ATXN7L1: variants seen among roughly 807,000 people sequenced by gnomAD.
ATXN7L1 encodes the protein ataxin-7-like protein 1.
A neutral mutation model predicts 70.8 loss-of-function variants in ATXN7L1; 15 were observed. The ratio of observed to expected loss-of-function variants is 0.21; its 90% CI spans 0.14 to 0.33. The LOEUF (loss-of-function observed/expected upper bound fraction) is 0.33, where lower values mean the gene tolerates loss of function less well. ATXN7L1 is among the 10% of genes least tolerant of loss of function. The pLI is 1.00. For missense variants in ATXN7L1, 975 were observed against 1,097.1 expected, an observed-to-expected ratio of 0.89 and a Z score of 1.57; for synonymous variants, 440 against 445.1, an observed-to-expected ratio of 0.99 and a Z score of 0.14.
chr7:105,824,702 T>TAAACA (rs1227263102), intron 2 of ATXN7L1, among the ~76,000 whole-genome samples: 29 of 151,250 alleles, frequency 1.9e-4, no homozygotes, highest in Admixed American at 1.8e-3. Context: ...AGGAAGAAAT[T>TAAACA]AAACAAAACA....
At chr7:105,726,852 TC>T (rs1328251027) in intron 3 of ATXN7L1, among the ~76,000 whole-genome samples, 1 of 152,216 alleles carries the variant, frequency 6.6e-6, no homozygotes, top group Non-Finnish European at 1.5e-5. Context: ...TGTGGCAGCA[TC>T]TACTTTAGCA....
At position 105,624,246 on chromosome 7, in the gene ATXN7L1, T is replaced by A. The variant is rs139507361; in HGVS notation, c.1224A>T (p.Ile408=). 1.8e-5 allele frequency: 26 copies of A among 1,452,390 alleles called. No homozygotes were observed. The highest frequency in any genetic ancestry group is 2.4e-5 in the Non-Finnish European group (26 of 1,091,256). 90.0% of individuals were successfully genotyped at this position (1,452,390 alleles called of 1,614,324 possible). A position where few individuals can be genotyped will look rare whatever the true frequency, so the allele number is the denominator to read the frequency against. ...VLPRPSSANS[I]SSSTSSNHSG... ...TATGATTTGAAGATGTGCTGCTGCTTATGCTATTTGCAGATGATGGTCTAA... is the reference window on the plus strand; with the variant it reads ...TATGATTTGAAGATGTGCTGCTGCTAATGCTATTTGCAGATGATGGTCTAA... The change falls in exon 8 of 12, where the codon ATA becomes ATT. Residue 408 remains isoleucine, a synonymous_variant. Transcript: ENST00000419735.
intron 3 of ATXN7L1, among the ~76,000 whole-genome samples, chr7:105,748,535 G>T (rs987440813): frequency 6.6e-6 from 1 of 152,166 alleles, no homozygotes. Flanking sequence ...CTATGCCCTC[G>T]TGAGATCTCT....
chr7:105,868,742 TA>T (rs572510176), intron 2 of ATXN7L1, among the ~76,000 whole-genome samples: 2 of 151,994 alleles, frequency 1.3e-5, no homozygotes, highest in African/African-American at 4.8e-5. Context: ...TGAACATTAT[TA>T]AAAAAAATAA....
chr7:105,699,699 C>A (rs1433749568), intron 3 of ATXN7L1, among the ~76,000 whole-genome samples: 1 of 152,094 alleles, frequency 6.6e-6, no homozygotes, highest in Non-Finnish European at 1.5e-5. Flanking sequence ...GATCTCTTGT[C>A]TTCTGTTGTT....
At chr7:105,691,792 C>T (rs753278312) in intron 3 of ATXN7L1, among the ~76,000 whole-genome samples, 2 of 152,070 alleles carry the variant, frequency 1.3e-5, no homozygotes, top group African/African-American at 4.8e-5. Flanking sequence ...GCACGGTGCA[C>T]AGCCCGACGG....
intron 3 of ATXN7L1, among the ~76,000 whole-genome samples, chr7:105,731,595 C>G (rs567373305): frequency 1.3e-5 from 2 of 151,160 alleles, no homozygotes; most frequent in African/African-American, 4.9e-5. Flanking sequence ...CCACCACGCC[C>G]GGCTAATTTT....
intron 4 of ATXN7L1, among the ~76,000 whole-genome samples, chr7:105,643,404 C>T (rs1317414251): frequency 6.6e-6 from 1 of 152,174 alleles, no homozygotes; most frequent in African/African-American, 2.4e-5. Context: ...CCCCACTTCC[C>T]GGGCCCTATA....
At chr7:105,652,562 G>A (rs573353373) in intron 4 of ATXN7L1, among the ~76,000 whole-genome samples, 30 of 152,254 alleles carry the variant, frequency 2.0e-4, no homozygotes, top group African/African-American at 7.0e-4. Flanking sequence ...CCTGCTGTTC[G>A]AGCTGTAGGC....
At chr7:105,635,164 C>T (rs1278180095) in intron 7 of ATXN7L1, among the ~76,000 whole-genome samples, 3 of 152,178 alleles carry the variant, frequency 2.0e-5, no homozygotes, top group Non-Finnish European at 4.4e-5. Flanking sequence ...TTTTGTGGCA[C>T]CAGCTTCCTG....
At chr7:105,671,091 C>T (rs1309487761) in intron 3 of ATXN7L1, among the ~76,000 whole-genome samples, 2 of 103,066 alleles carry the variant, frequency 1.9e-5, no homozygotes, top group Non-Finnish European at 3.5e-5. Flanking sequence ...TGGGCGACAG[C>T]GAGACTACGT....
In ATXN7L1 at chr7:105,820,126, CAAAAA is replaced by C. The variant is rs562797891; in HGVS notation, c.251-31423_251-31419del. On this transcript the variant is annotated intron_variant, in intron 2 of 11. Coordinates refer to ENST00000419735, the MANE Select transcript of ATXN7L1 (RefSeq NM_020725.2). ...AGCCCAGTAAAGACTGTTTATTCCT[CAAAAA>C]AAAAAAAAAAAAAAAAAAAAAAAAG... is the stretch of plus-strand genomic sequence containing the variant. The C allele has an allele frequency of 9.0e-3, 576 of 64,258 alleles. 3 individuals carry two copies. Among genetic ancestry groups the C allele is most frequent in the African/African-American group, 0.026 (311 of 11,976 alleles). 4.0% of individuals were successfully genotyped at this position (64,258 alleles called of 1,614,324 possible). A position where few individuals can be genotyped will look rare whatever the true frequency, so the allele number is the denominator to read the frequency against.
chr7:105,844,867 A>G (rs543054855), intron 2 of ATXN7L1, among the ~76,000 whole-genome samples: 2 of 152,334 alleles, frequency 1.3e-5, no homozygotes, highest in African/African-American at 4.8e-5. Context: ...ATGAGAGTTA[A>G]CAAACAAGTT....
chr7:105,807,258 C>G (rs1217847093), intron 2 of ATXN7L1, among the ~76,000 whole-genome samples: 1 of 152,236 alleles, frequency 6.6e-6, no homozygotes, highest in East Asian at 1.9e-4. Context: ...CCAGACCCAG[C>G]TTAGAGGTGA....
intron 2 of ATXN7L1, among the ~76,000 whole-genome samples, chr7:105,799,442 A>C (rs1403037862): frequency 6.6e-6 from 1 of 151,940 alleles, no homozygotes; most frequent in Non-Finnish European, 1.5e-5. Context: ...ACTAGAGTTC[A>C]GGAATGACAG....
intron 3 of ATXN7L1, among the ~76,000 whole-genome samples, chr7:105,713,244 T>G (rs937259792): frequency 2.6e-5 from 4 of 152,140 alleles, no homozygotes; most frequent in Non-Finnish European, 5.9e-5. Flanking sequence ...TGACATGAGA[T>G]TTTGGTGAGG....
chr7:105,729,671 C>A (rs1490943426), intron 3 of ATXN7L1, among the ~76,000 whole-genome samples: 1 of 151,850 alleles, frequency 6.6e-6, no homozygotes, highest in Non-Finnish European at 1.5e-5. Flanking sequence ...CCCAGGTGAT[C>A]CACCTGCCTT....
chr7:105,821,385 AGT>A (rs1478717429), intron 2 of ATXN7L1, among the ~76,000 whole-genome samples: 1 of 152,206 alleles, frequency 6.6e-6, no homozygotes, highest in African/African-American at 2.4e-5. Flanking sequence ...ATTCCTTTAT[AGT>A]CATGCAAAAA....
chr7:105,656,576 C>CTTTTTTTTTTT (rs10690416), intron 4 of ATXN7L1, among the ~76,000 whole-genome samples: 1 of 139,928 alleles, frequency 7.1e-6, no homozygotes, highest in African/African-American at 2.7e-5. Flanking sequence ...CTTCTTCTTC[C>CTTTTTTTTTTT]TTTTTTTTTT....
Sources: allele counts gnomAD v4.1 joint callset (sites outside exome capture counted in the v4.1 genomes callset), GRCh38; gene constraint gnomAD v4.1.1; transcripts MANE v1.5; gene names NCBI Gene and HGNC (gene_info 2026-07-23, HGNC 2026-07-21).